The following PRKCA variants were observed in gnomAD, a reference collection of about 807,000 sequenced individuals.
PRKCA encodes protein kinase C alpha type.
PRKCA carries 27 observed loss-of-function variants against 87.0 expected under a neutral mutation model. The ratio of observed to expected loss-of-function variants is 0.31; its 90% CI spans 0.23 to 0.43. PRKCA has a LOEUF of 0.43. PRKCA is among the 20% of genes least tolerant of loss of function. The pLI, the probability that PRKCA is intolerant of heterozygous loss-of-function variation, is 1.00. For missense variants in PRKCA, 518 were observed against 852.3 expected (o/e 0.61, Z 4.88); for synonymous variants, 329 against 311.1 (o/e 1.06, Z -0.61).
intron 3 of PRKCA, among the ~76,000 whole-genome samples, chr17:66,626,380 G>C (rs985534737): frequency 1.1e-4 from 10 of 91,628 alleles, no homozygotes; most frequent in Admixed American, 4.6e-4. Flanking sequence ...TTTTTTTTTT[G>C]AGACAGAGTC....
At chr17:66,686,425 T>A (rs1972630212) in intron 5 of PRKCA, among the ~76,000 whole-genome samples, 1 of 152,180 alleles carries the variant, frequency 6.6e-6, no homozygotes, top group South Asian at 2.1e-4. Flanking sequence ...ATGCTGCCGG[T>A]CCATGGACCA....
At chr17:66,761,613 C>T (rs1974686871) in intron 13 of PRKCA, among the ~76,000 whole-genome samples, 1 of 151,684 alleles carries the variant, frequency 6.6e-6, no homozygotes, top group Non-Finnish European at 1.5e-5. Context: ...CTTACCACCA[C>T]ACCCGGCTAA....
intron 3 of PRKCA, among the ~76,000 whole-genome samples, chr17:66,552,664 C>G (rs890925012): frequency 2.0e-5 from 3 of 152,206 alleles, no homozygotes; most frequent in Non-Finnish European, 4.4e-5. Flanking sequence ...AGAGAACTAC[C>G]AGCAAGATCG....
At chr17:66,799,530 T>C (rs1598955912) in intron 16 of PRKCA, among the ~76,000 whole-genome samples, 2 of 17,538 alleles carry the variant, frequency 1.1e-4, no homozygotes, top group Non-Finnish European at 2.4e-4. Context: ...GTGGTGGTGA[T>C]GGTGGTGGTA....
In PRKCA at chr17:66,804,708, G is replaced by A. The variant is rs1244209102; in HGVS notation, c.*671G>A. 6.5e-6 allele frequency: 1 copy of A among 152,720 alleles called. No homozygotes were observed. The highest frequency in any genetic ancestry group is 2.4e-5 in the African/African-American group (1 of 41,446). The allele number at this position is 152,720 out of a possible 1,614,324, so 9.5% of individuals were successfully genotyped here. A position where few individuals can be genotyped will look rare whatever the true frequency, so the allele number is the denominator to read the frequency against. On this transcript the variant is annotated 3_prime_UTR_variant, in exon 17 of 17. Transcript: ENST00000413366. The stretch of plus-strand genomic sequence containing the variant: ...GAATCTGTCATCTGGTACCCTCCTT[G>A]GTTGATAACTGTCTTGATACTTTTC...
chr17:66,537,022 G>T (rs1967814991), intron 3 of PRKCA, among the ~76,000 whole-genome samples: 1 of 152,020 alleles, frequency 6.6e-6, no homozygotes, highest in African/African-American at 2.4e-5. Flanking sequence ...CTCTATTTCA[G>T]TAATTCACTC....
chr17:66,701,617 T>C (rs574427937), intron 8 of PRKCA, among the ~76,000 whole-genome samples: 11 of 151,376 alleles, frequency 7.3e-5, no homozygotes, highest in Non-Finnish European at 1.5e-4. Flanking sequence ...AAGGCAAAAA[T>C]AAAAAAGAAA....
chr17:66,384,795 AT>A (rs895020310), intron 2 of PRKCA, among the ~76,000 whole-genome samples: 5 of 151,910 alleles, frequency 3.3e-5, no homozygotes, highest in South Asian at 2.1e-4. Context: ...CACCTGGCTA[AT>A]TTTTTTTATA....
intron 3 of PRKCA, among the ~76,000 whole-genome samples, chr17:66,576,105 C>T (rs1969230100): frequency 1.3e-5 from 2 of 152,196 alleles, no homozygotes; most frequent in South Asian, 2.1e-4. Context: ...CACACCCAGA[C>T]TCCATCTCAA....
chr17:66,442,428 C>T (rs1026692789), intron 2 of PRKCA, among the ~76,000 whole-genome samples: 1 of 152,142 alleles, frequency 6.6e-6, no homozygotes, highest in South Asian at 2.1e-4. Flanking sequence ...CCCCCTCCCT[C>T]CTTCAATCTC....
chr17:66,554,066 G>C (rs553189359), intron 3 of PRKCA, among the ~76,000 whole-genome samples: 5 of 152,210 alleles, frequency 3.3e-5, no homozygotes, highest in Admixed American at 1.3e-4. Flanking sequence ...CCAGACATTG[G>C]CATGAAGAGA....
chr17:66,666,889 T>A (rs1355095172), intron 5 of PRKCA, among the ~76,000 whole-genome samples: 1 of 152,128 alleles, frequency 6.6e-6, no homozygotes, highest in East Asian at 1.9e-4. Context: ...TGAAGGACCC[T>A]TAACTATCTA....
At chr17:66,713,143 C>T (rs1000372017) in intron 8 of PRKCA, among the ~76,000 whole-genome samples, 2 of 151,170 alleles carry the variant, frequency 1.3e-5, no homozygotes, top group African/African-American at 4.9e-5. Context: ...CCTCCACCTC[C>T]CGGGTTCAAG....
chr17:66,586,451 C>T (rs1167235741), intron 3 of PRKCA, among the ~76,000 whole-genome samples: 1 of 152,148 alleles, frequency 6.6e-6, no homozygotes, highest in African/African-American at 2.4e-5. Flanking sequence ...AGAGTTCTAC[C>T]AGTGGCCACT....
intron 2 of PRKCA, among the ~76,000 whole-genome samples, chr17:66,369,677 A>T (rs780481789): frequency 4.6e-5 from 7 of 152,146 alleles, no homozygotes; most frequent in Non-Finnish European, 8.8e-5. Context: ...TCACTATTGG[A>T]TCTGGCTCTG....
chr17:66,617,891 G>A (rs1252101397), intron 3 of PRKCA, among the ~76,000 whole-genome samples: 4 of 152,168 alleles, frequency 2.6e-5, no homozygotes, highest in Non-Finnish European at 5.9e-5. Flanking sequence ...AGGCCAAGAG[G>A]CAGCAGGCTA....
rs778507190 is a variant in PRKCA at position 66,671,209 on chromosome 17, C to CAAAAAA, written c.530-15883_530-15878dup. Among the ~76,000 whole-genome samples, 87 of 48,372 alleles carry CAAAAAA rather than the reference C, an allele frequency of 1.8e-3. 2 individuals carry two copies. The highest frequency in any genetic ancestry group is 9.3e-3 in the South Asian group (6 of 646). 31.7% of individuals were successfully genotyped at this position (48,372 alleles called of 152,430 possible). ...CCAGGAGACAGTGGGAGACTCATCT[C>CAAAAAA]AAAAAAAAAAAAAAAAAAAAAAAAG... On this transcript the variant is annotated intron_variant, in intron 5 of 16. Coordinates refer to ENST00000413366, the MANE Select transcript of PRKCA (RefSeq NM_002737.3).
chr17:66,784,176 G>A (rs1484126608), intron 14 of PRKCA, among the ~76,000 whole-genome samples: 1 of 152,158 alleles, frequency 6.6e-6, no homozygotes, highest in African/African-American at 2.4e-5. Context: ...ACATTGCAGA[G>A]AGGGTCACAC....
intron 3 of PRKCA, among the ~76,000 whole-genome samples, chr17:66,539,449 G>C (rs1172700633): frequency 1.3e-5 from 2 of 151,372 alleles, no homozygotes; most frequent in Non-Finnish European, 2.9e-5. Context: ...TGTCCTCCAG[G>C]CTGGATTGCA....
Sources: gnomAD v4.1 joint callset for allele counts (sites outside exome capture counted in the v4.1 genomes callset) on GRCh38, gnomAD v4.1.1 for gene constraint, MANE v1.5 for transcripts, NCBI Gene and HGNC (gene_info 2026-07-23, HGNC 2026-07-21) for gene names.